AHCTF1: variants seen among roughly 807,000 people sequenced by gnomAD.
AHCTF1 encodes protein ELYS.
A neutral mutation model predicts 248.4 loss-of-function variants in AHCTF1; 24 were observed. The ratio of observed to expected loss-of-function variants is 0.10; its 90% CI spans 0.07 to 0.14. The LOEUF is 0.14. Ranked by LOEUF, AHCTF1 falls within the 10% of genes least tolerant of loss-of-function variation. AHCTF1 has a pLI of 1.00. For synonymous variants in AHCTF1, 786 were observed against 929.8 expected (o/e 0.85, Z 2.81); for missense variants, 2,206 against 2,636.2 (o/e 0.84, Z 3.57).
intron 1 of AHCTF1, among the ~76,000 whole-genome samples, chr1:246,927,527 A>C (rs1410743816): frequency 6.6e-6 from 1 of 152,222 alleles, no homozygotes; most frequent in Non-Finnish European, 1.5e-5. Context: ...ATCTCATATA[A>C]AGGTATATGA....
At chr1:246,841,601 T>G (rs898757083) in intron 35 of AHCTF1, among the ~76,000 whole-genome samples, 10 of 152,236 alleles carry the variant, frequency 6.6e-5, no homozygotes, top group Admixed American at 6.5e-4. Flanking sequence ...TGCATGCAGT[T>G]TTAGTGCTTT....
chr1:246,921,389 G>A (rs1356079295), intron 1 of AHCTF1, among the ~76,000 whole-genome samples: 2 of 152,062 alleles, frequency 1.3e-5, no homozygotes, highest in Non-Finnish European at 2.9e-5. Context: ...ATATTCTTTT[G>A]CACCCACTCA....
At chr1:246,867,905 A>C (rs201354601) in intron 24 of AHCTF1, 94 bp from the exon 25 acceptor site, 2,628 of 233,902 alleles carry the variant, frequency 0.011, 50 homozygotes, top group African/African-American at 0.059. Flanking sequence ...CCCCCCCCAC[A>C]CACACACACA....
At chr1:246,860,831 A>C in intron 29 of AHCTF1, 68 bp downstream of exon 29, 1 of 1,540,836 alleles carries the variant, frequency 6.5e-7, no homozygotes, top group African/African-American at 1.4e-5. Flanking sequence ...ATGGTGGAAA[A>C]AATTCTATTA....
intron 8 of AHCTF1, among the ~76,000 whole-genome samples, chr1:246,900,868 T>C (rs542343884): frequency 1.3e-5 from 2 of 152,350 alleles, no homozygotes; most frequent in Non-Finnish European, 2.9e-5. Flanking sequence ...AAGGCTTTAT[T>C]ATGATGAACC....
At position 246,888,303 on chromosome 1, in the gene AHCTF1, T is replaced by TC; in HGVS notation, c.2269-71dup. 3 of 1,612,318 alleles carry TC rather than the reference T, an allele frequency of 1.9e-6. No individual in the cohort carries two copies. In the East Asian group the frequency reaches 6.7e-5, roughly 36 times the overall value. On this transcript the variant is annotated intron_variant, in intron 18 of 35. Coordinates refer to ENST00000648844, the MANE Select transcript of AHCTF1 (RefSeq NM_001323342.2). ...ATTCATTCATTCATGCTTCTTGTTT[T>TC]CCCAAGTTTGTGCCAGACACACAGC...
chr1:246,867,712 C>T lies in AHCTF1; in HGVS notation c.3188G>A (p.Gly1063Glu). The T allele has an allele frequency of 6.2e-7, 1 of 1,612,522 alleles. No individual in the cohort carries two copies. The highest frequency in any genetic ancestry group is 8.5e-7 in the Non-Finnish European group (1 of 1,179,574). The change falls in exon 25 of 36, where the codon GGA becomes GAA. Residue 1063 changes from glycine (G) to glutamate (E), a missense_variant. Gly to Glu is a moderately conservative substitution (Grantham distance 98). Around this residue, in one of 6 missense-constraint regions of AHCTF1, gnomAD observed 955 missense variants for 1,055.6 expected, o/e 0.90. Coordinates refer to ENST00000648844, the MANE Select transcript of AHCTF1 (RefSeq NM_001323342.2). The stretch of plus-strand genomic sequence containing the variant: ...AGGTTCTTTGCTTGCCCAAACTTCT[C>T]CAATTTTAGATAACACATTGTTGAT... The part of the protein sequence containing the change: ...VFINNVLSKI[G>E]EVWASKEPIN...
chr1:246,855,526 AG>A (rs2103053511), intron 31 of AHCTF1, among the ~76,000 whole-genome samples: 1 of 152,328 alleles, frequency 6.6e-6, no homozygotes, highest in East Asian at 1.9e-4. Flanking sequence ...TTAGAGCCAC[AG>A]AATGCCTTAC....
rs1158299055 is a variant in AHCTF1 at position 246,857,697 on chromosome 1, T to C, written c.4250A>G (p.Tyr1417Cys). The C allele has an allele frequency of 4.3e-6, 7 of 1,611,152 alleles. No homozygotes were observed. The highest frequency in any genetic ancestry group is 2.2e-5 in the East Asian group (1 of 44,854). ...TTTCTCTCCATTAACTTACCCTTCA[T>C]AGACTGATGGTGCACAAAGAGAAGC... ...TEASLCAPSVYEGKIFTQKSK... is the reference protein window; with the variant it reads ...TEASLCAPSVCEGKIFTQKSK... The change falls in exon 30 of 36, where the codon TAT (tyrosine) becomes TGT (cysteine). Residue 1417 changes from tyrosine (Y) to cysteine (C), a missense_variant. Tyr to Cys is a radical substitution (Grantham distance 194). Around this residue, in one of 6 missense-constraint regions of AHCTF1, gnomAD observed 955 missense variants for 1,055.6 expected, o/e 0.90. Coordinates refer to ENST00000648844, the MANE Select transcript of AHCTF1 (RefSeq NM_001323342.2).
At position 246,869,121 on chromosome 1, in the gene AHCTF1, G is replaced by A. The variant is rs146143857; in HGVS notation, c.3089-1310C>T. Reference sequence around the variant, plus strand: ...GGCCTCCCAAAGTGCTGGATTACAGGCGTGAGCCACCACGCCCGGCCGTGT... The same window carrying A: ...GGCCTCCCAAAGTGCTGGATTACAGACGTGAGCCACCACGCCCGGCCGTGT... On this transcript the variant is annotated intron_variant, in intron 24 of 35. Coordinates refer to ENST00000648844, the MANE Select transcript of AHCTF1 (RefSeq NM_001323342.2). 5.4e-3 allele frequency among the ~76,000 whole-genome samples: 823 copies of A among 152,100 alleles called. 9 individuals carry two copies. The highest frequency in any genetic ancestry group is 0.018 in the African/African-American group (762 of 41,458).
chr1:246,903,806 C>A lies in AHCTF1; in HGVS notation c.966+143G>T, dbSNP rs1691257. ...TGAGCCAAGATTGCACCACTGCACT[C>A]CAGCCTGGGCGACAGAGCGAGACTC... On this transcript the variant is annotated intron_variant, in intron 7 of 35. Coordinates refer to ENST00000648844, the MANE Select transcript of AHCTF1 (RefSeq NM_001323342.2). The A allele has an allele frequency of 2.0e-3, 1,374 of 672,264 alleles. 24 individuals carry two copies. The African/African-American group carries it at 0.023, about 11-fold the overall frequency. 41.6% of individuals were successfully genotyped at this position (672,264 alleles called of 1,614,324 possible).
chr1:246,928,140 A>G (rs1691238), intron 1 of AHCTF1, among the ~76,000 whole-genome samples: 7,289 of 151,162 alleles, frequency 0.048, 615 homozygotes, highest in African/African-American at 0.17. Flanking sequence ...TCTCTACTAA[A>G]AATACAAAAA....
In AHCTF1 at chr1:246,902,554, T is replaced by C. The variant is rs780755393; in HGVS notation, c.1088A>G (p.His363Arg). 1.9e-5 allele frequency: 30 copies of C among 1,611,528 alleles called. No homozygotes were observed. Among genetic ancestry groups the C allele is most frequent in the Non-Finnish European group, 2.4e-5 (28 of 1,179,646 alleles). ...GCQSIEKFRS[H>R]GDREEGVNEA... The stretch of plus-strand genomic sequence containing the variant: ...ATTCACGCCTTCCTCCCTGTCACCA[T>C]GAGATCGAAATTTCTCTATACTCTG... The change falls in exon 8 of 36, where the codon CAT (histidine) becomes CGT (arginine). Residue 363 changes from histidine (H) to arginine (R), a missense_variant. Physicochemically the swap from His to Arg is conservative, Grantham distance 29. Transcript: ENST00000648844.
chr1:246,919,599 C>A (rs914630889), intron 1 of AHCTF1, among the ~76,000 whole-genome samples: 1 of 151,576 alleles, frequency 6.6e-6, no homozygotes, highest in Non-Finnish European at 1.5e-5. Context: ...TGTAGTCTCA[C>A]CTACTCGGGA....
intron 1 of AHCTF1, among the ~76,000 whole-genome samples, chr1:246,927,105 G>A (rs756279015): frequency 4.6e-5 from 7 of 151,882 alleles, no homozygotes; most frequent in Non-Finnish European, 1.0e-4. Context: ...GTGAACCCGG[G>A]AGGCGGAGCT....
chr1:246,906,227 C>T (rs1056475259), intron 5 of AHCTF1, among the ~76,000 whole-genome samples: 2 of 152,128 alleles, frequency 1.3e-5, no homozygotes, highest in African/African-American at 4.8e-5. Flanking sequence ...TTAGAGAAAG[C>T]ACTGCTGTAG....
In AHCTF1 at chr1:246,850,293, T is replaced by C. The variant is rs149899496; in HGVS notation, c.5713A>G (p.Lys1905Glu). 1,377 of 1,613,846 alleles carry C rather than the reference T, an allele frequency of 8.5e-4. No homozygotes were observed. Among genetic ancestry groups the C allele is most frequent in the Non-Finnish European group, 1.1e-3 (1,298 of 1,179,866 alleles). ...GCATCTAAATTAGTACTTCTCAATTTTCTGATCATTCTGCTAGGACTTGTT... is the reference window on the plus strand; with the variant it reads ...GCATCTAAATTAGTACTTCTCAATTCTCTGATCATTCTGCTAGGACTTGTT... The part of the protein sequence containing the change: ...TVTSPSRMIR[K>E]LRSTNLDASE... Residue 1905 changes from lysine to glutamate, a missense_variant, in exon 33 of 36, where the codon AAA becomes GAA. Physicochemically the swap from Lys to Glu is moderately conservative, Grantham distance 56. Around this residue, in one of 6 missense-constraint regions of AHCTF1, gnomAD observed 469 missense variants for 470.0 expected, o/e 1.00. Transcript: ENST00000648844.
chr1:246,856,998 A>G (rs1056135823), intron 30 of AHCTF1, among the ~76,000 whole-genome samples: 24 of 152,348 alleles, frequency 1.6e-4, no homozygotes, highest in Admixed American at 7.8e-4. Context: ...GTGTTATTCA[A>G]AAGTGCGGAC....
At position 246,894,741 on chromosome 1, in the gene AHCTF1, T is replaced by C; in HGVS notation, c.1722A>G (p.Pro574=). The C allele has an allele frequency of 6.2e-7, 1 of 1,613,750 alleles. No homozygotes were observed. The highest frequency in any genetic ancestry group is 8.5e-7 in the Non-Finnish European group (1 of 1,179,726). The change falls in exon 14 of 36, where the codon CCA becomes CCG. Residue 574 remains proline, a synonymous_variant. Coordinates refer to ENST00000648844, the MANE Select transcript of AHCTF1 (RefSeq NM_001323342.2). ...CAAAGCGCAAATTAGTGGCAGAATT[T>C]GGTTGTTCTTATTTGTAAATACAAA... ...YIRRWITEEQ[P]NSATNLRFVL... is the part of the protein sequence containing the mutation.
Sources: allele counts gnomAD v4.1 joint callset (sites outside exome capture counted in the v4.1 genomes callset), GRCh38; gene constraint gnomAD v4.1.1; regional missense constraint gnomAD v4.1.1; transcripts MANE v1.5; gene names NCBI Gene and HGNC (gene_info 2026-07-23, HGNC 2026-07-21).